OSBPL9: variants seen among roughly 807,000 people sequenced by gnomAD.
OSBPL9 encodes oxysterol-binding protein-related protein 9.
OSBPL9 carries 40 observed loss-of-function variants against 106.6 expected under a neutral mutation model. The observed-to-expected ratio is 0.38, with a 90% CI of 0.29 to 0.49. The LOEUF (loss-of-function observed/expected upper bound fraction) is 0.49, where lower values mean the gene tolerates loss of function less well. OSBPL9 is among the 20% of genes least tolerant of loss of function. OSBPL9 has a pLI of 0.97. For synonymous variants in OSBPL9, 269 were observed against 295.4 expected (o/e 0.91, Z 0.92); for missense variants, 609 against 887.2 (o/e 0.69, Z 3.98).
intron 2 of OSBPL9, among the ~76,000 whole-genome samples, chr1:51,607,829 A>G (rs1251987657): frequency 6.6e-6 from 1 of 152,208 alleles, no homozygotes; most frequent in African/African-American, 2.4e-5. Context: ...AGCAGGAATG[A>G]AAGTTTATTA....
At position 51,787,409 on chromosome 1, in the gene OSBPL9, A is replaced by T; in HGVS notation, c.2057A>T (p.Glu686Val). Residue 686 changes from glutamate (E) to valine (V), a missense_variant, in exon 23 of 24, where the codon GAA (glutamate) becomes GTA (valine). This residue lies in a region of OSBPL9 where 132 missense variants were observed against 158.1 expected (regional missense o/e 0.83). Coordinates refer to ENST00000428468, the MANE Select transcript of OSBPL9 (RefSeq NM_024586.6). The stretch of plus-strand genomic sequence containing the variant: ...ATCAGAGACATTGATGCAGCAACTG[A>T]AGCAAAGCACAGGCTTGAAGAAAGA... ...LKIRDIDAATEAKHRLEERQR... is the reference protein window; with the variant it reads ...LKIRDIDAATVAKHRLEERQR... The T allele has an allele frequency of 6.2e-7, 1 of 1,614,100 alleles. No homozygotes were observed. Among genetic ancestry groups the T allele is most frequent in the Non-Finnish European group, 8.5e-7 (1 of 1,179,946 alleles).
chr1:51,756,230 C>T, intron 8 of OSBPL9, 90 bp from the exon 9 acceptor site: 1 of 1,036,010 alleles, frequency 9.7e-7, no homozygotes, highest in Non-Finnish European at 1.5e-6. Context: ...TTATTACTTA[C>T]CTAGTAAATA....
intron 9 of OSBPL9, among the ~76,000 whole-genome samples, chr1:51,757,638 CTT>C (rs890734759): frequency 2.6e-5 from 4 of 151,904 alleles, no homozygotes; most frequent in African/African-American, 9.7e-5. Context: ...AGAAAAATAT[CTT>C]TGAATCATTT....
intron 3 of OSBPL9, among the ~76,000 whole-genome samples, chr1:51,691,273 CTTTTTTTTTT>C (rs1005953851): frequency 1.4e-4 from 15 of 108,950 alleles, no homozygotes; most frequent in African/African-American, 5.0e-4. Context: ...CTTGCTGTAA[CTTTTTTTTTT>C]TTTTTTTTTT....
the OSBPL9 span, among the ~76,000 whole-genome samples, chr1:51,543,868 A>C: frequency 4.6e-5 from 7 of 152,246 alleles, no homozygotes; most frequent in Non-Finnish European, 1.0e-4. Context: ...CCCTAGGTCA[A>C]ACATAGTGCT....
chr1:51,653,175 A>G (rs1646623982), intron 2 of OSBPL9, among the ~76,000 whole-genome samples: 1 of 152,092 alleles, frequency 6.6e-6, no homozygotes, highest in Admixed American at 6.5e-5. Flanking sequence ...AAGATTTTTA[A>G]AAATTCAACT....
At chr1:51,569,863 G>C in the OSBPL9 span, 5 of 152,132 alleles carry the variant, frequency 3.3e-5, no homozygotes, top group African/African-American at 1.2e-4. Context: ...TGTGCTGAAA[G>C]CTTTGCACAC....
chr1:51,664,755 A>G (rs1158557860), intron 2 of OSBPL9, among the ~76,000 whole-genome samples: 3 of 152,186 alleles, frequency 2.0e-5, no homozygotes, highest in African/African-American at 7.2e-5. Flanking sequence ...ATTAGAACTA[A>G]GGATAGTATT....
intron 3 of OSBPL9, among the ~76,000 whole-genome samples, chr1:51,694,838 A>T (rs937949940): frequency 2.6e-5 from 4 of 152,210 alleles, no homozygotes; most frequent in African/African-American, 7.2e-5. Context: ...GTTTTCCAAA[A>T]TTCTAATGTT....
At chr1:51,629,672 G>A (rs1264835633) in intron 1 of OSBPL9, among the ~76,000 whole-genome samples, 3 of 152,112 alleles carry the variant, frequency 2.0e-5, no homozygotes, top group Admixed American at 1.3e-4. Flanking sequence ...AATGTGGCTC[G>A]GTGCAGTGGC....
chr1:51,520,777 C>A, the OSBPL9 span, among the ~76,000 whole-genome samples: 4 of 152,178 alleles, frequency 2.6e-5, no homozygotes, highest in Non-Finnish European at 5.9e-5. Flanking sequence ...AGAAATTTCC[C>A]AAGGAACTCC....
chr1:51,595,995 G>T (rs940271856), intron 1 of OSBPL9, among the ~76,000 whole-genome samples: 5 of 152,050 alleles, frequency 3.3e-5, no homozygotes, highest in African/African-American at 1.2e-4. Context: ...GGTGCCTCAC[G>T]CCTGTAACTC....
upstream of OSBPL9, among the ~76,000 whole-genome samples, chr1:51,573,290 C>T (rs1645162635): frequency 6.6e-6 from 1 of 151,472 alleles, no homozygotes. Context: ...AGACAGATCA[C>T]CTGAGGTTGG....
At chr1:51,534,003 G>C in the OSBPL9 span, among the ~76,000 whole-genome samples, 2 of 151,722 alleles carry the variant, frequency 1.3e-5, no homozygotes, top group Admixed American at 1.3e-4. Context: ...TCAGGAGTTC[G>C]AGACTAGCCT....
rs1557878655 is a variant in OSBPL9, at chr1:51,785,820, CAAG to C, written c.1846_1848del (p.Lys616del). On this transcript the variant is annotated inframe_deletion, in exon 21 of 24. Coordinates refer to ENST00000428468, the MANE Select transcript of OSBPL9 (RefSeq NM_024586.6). ...CTTTTCTGTTCAGTTCTCCAAATGA[CAAG>C]AAGTCTTTTTGCTCAATTGAAGGGG... 1.2e-6 allele frequency: 2 copies of C among 1,609,030 alleles called. No homozygotes were observed. Among genetic ancestry groups the C allele is most frequent in the East Asian group, 4.5e-5 (2 of 44,786 alleles).
At chr1:51,524,906 A>G in the OSBPL9 span, among the ~76,000 whole-genome samples, 1 of 152,212 alleles carries the variant, frequency 6.6e-6, no homozygotes, top group Non-Finnish European at 1.5e-5. Context: ...CAGGTTTCAA[A>G]GCATTTTCTC....
intron 2 of OSBPL9, among the ~76,000 whole-genome samples, chr1:51,605,519 G>C (rs1407637505): frequency 6.6e-6 from 1 of 152,142 alleles, no homozygotes; most frequent in Non-Finnish European, 1.5e-5. Context: ...TCCAGACATA[G>C]AGGAGTAAAG....
chr1:51,686,120 TATG>T (rs1653739561), intron 3 of OSBPL9, among the ~76,000 whole-genome samples: 1 of 152,174 alleles, frequency 6.6e-6, no homozygotes, highest in Non-Finnish European at 1.5e-5. Context: ...AGAAGATTAT[TATG>T]ATATAGAAGT....
chr1:51,578,068 A>G (rs907593614), intron 1 of OSBPL9, among the ~76,000 whole-genome samples: 1 of 152,236 alleles, frequency 6.6e-6, no homozygotes, highest in East Asian at 1.9e-4. Context: ...AGTAAAATCT[A>G]TAACTATTCT....
Sources: allele counts gnomAD v4.1 joint callset (sites outside exome capture counted in the v4.1 genomes callset), GRCh38; gene constraint gnomAD v4.1.1; regional missense constraint gnomAD v4.1.1; transcripts MANE v1.5; gene names NCBI Gene and HGNC (gene_info 2026-07-23, HGNC 2026-07-21).